Variants in KRT222 observed in about 807,000 individuals in gnomAD.
KRT222 encodes keratin 222.
Under a neutral mutation model 35.0 loss-of-function variants are expected in KRT222, and 23 were observed. The ratio of observed to expected loss-of-function variants is 0.66; its 90% CI spans 0.47 to 0.93. KRT222 has a LOEUF of 0.93. Ranked by LOEUF, KRT222 falls within the 40% of genes least tolerant of loss-of-function variation. The pLI is 0.00. For synonymous variants in KRT222, 108 were observed against 118.8 expected (o/e 0.91, Z 0.59); for missense variants, 339 against 346.3 (o/e 0.98, Z 0.17).
intron 2 of KRT222, among the ~76,000 whole-genome samples, chr17:40,661,710 G>C (rs2037384925): frequency 6.6e-6 from 1 of 152,160 alleles, no homozygotes; most frequent in African/African-American, 2.4e-5. Flanking sequence ...ATTTTTACAG[G>C]TCTGAACTAA....
intron 3 of KRT222, among the ~76,000 whole-genome samples, chr17:40,659,542 G>A (rs1435640543): frequency 4.6e-5 from 7 of 151,990 alleles, no homozygotes; most frequent in Admixed American, 2.6e-4. Context: ...TCCTACCTTA[G>A]CCTCCCAAGT....
In KRT222 at chr17:40,656,567, T is replaced by G. The variant is rs764765053; in HGVS notation, c.723A>C (p.Arg241=). Reference sequence around the variant, plus strand: ...GAAGAGAAACAGACTTTTTCCTCAATCGAGGGTTATCTTTAAAGAAAGAAC... The same window carrying G: ...GAAGAGAAACAGACTTTTTCCTCAAGCGAGGGTTATCTTTAAAGAAAGAAC... ...WEGSFFKDNP[R]LRKKSVSLRF... The change falls in exon 6 of 6, where the codon CGA becomes CGC. Residue 241 remains arginine, a synonymous_variant. Coordinates refer to ENST00000394052, the MANE Select transcript of KRT222 (RefSeq NM_152349.3). 1 of 1,613,816 alleles carries G rather than the reference T, an allele frequency of 6.2e-7. No individual in the cohort carries two copies. Among genetic ancestry groups the G allele is most frequent in the Non-Finnish European group, 8.5e-7 (1 of 1,179,766 alleles).
chr17:40,655,514 T>C lies in KRT222; in HGVS notation c.*888A>G, dbSNP rs1200712076. The C allele has an allele frequency of 6.6e-6, 1 of 152,142 alleles. No homozygotes were observed. The highest frequency in any genetic ancestry group is 1.5e-5 in the Non-Finnish European group (1 of 67,978). 9.4% of individuals were successfully genotyped at this position (152,142 alleles called of 1,614,324 possible). A position where few individuals can be genotyped will look rare whatever the true frequency, so the allele number is the denominator to read the frequency against. ...CATATAGTATCTTATCTACGGCTTA[T>C]AGCAAACAATCTAATCACATTTAGC... On this transcript the variant is annotated 3_prime_UTR_variant, in exon 6 of 6. Transcript: ENST00000394052.
rs1200622169 is a variant in KRT222, at chr17:40,656,513, A to C, written c.777T>G (p.Asp259Glu). The stretch of plus-strand genomic sequence containing the variant: ...CCTGCTTAGTCTCTAAACACCCTTC[A>C]TCAGTGGCTGCTAAATGAAGATCAA... The part of the protein sequence containing the change: ...LRFDLHLAAT[D>E]EGCLETKQDN... Residue 259 changes from aspartate (D) to glutamate (E), a missense_variant, in exon 6 of 6, where the codon GAT becomes GAG. Coordinates refer to ENST00000394052, the MANE Select transcript of KRT222 (RefSeq NM_152349.3). The C allele has an allele frequency of 6.2e-7, 1 of 1,613,666 alleles. No homozygotes were observed. Among genetic ancestry groups the C allele is most frequent in the East Asian group, 2.2e-5 (1 of 44,838 alleles).
At chr17:40,656,847 G>T (rs2037348039) in intron 5 of KRT222, among the ~76,000 whole-genome samples, 1 of 151,816 alleles carries the variant, frequency 6.6e-6, no homozygotes, top group Admixed American at 6.6e-5. Flanking sequence ...TTGTATTTTT[G>T]GAAAAAAACG....
In KRT222 at chr17:40,665,174, G is replaced by A. The variant is rs891470656; in HGVS notation, c.-75C>T. The A allele has an allele frequency of 4.3e-6, 6 of 1,383,422 alleles. No individual in the cohort carries two copies. In the African/African-American group the frequency reaches 8.5e-5, roughly 20 times the overall value. 85.7% of individuals were successfully genotyped at this position (1,383,422 alleles called of 1,614,324 possible). A position where few individuals can be genotyped will look rare whatever the true frequency, so the allele number is the denominator to read the frequency against. ...GTCGCTGCGGCAGTCTGCTCGGTCT[G>A]CGCGGAAGGCAGGGAGCCTCGCAGA... On this transcript the variant is annotated 5_prime_UTR_variant, in exon 1 of 6. Coordinates refer to ENST00000394052, the MANE Select transcript of KRT222 (RefSeq NM_152349.3).
rs1264789134 is a variant in KRT222 at position 40,660,108 on chromosome 17, G to A, written c.325C>T (p.Gln109Ter). The change falls in exon 3 of 6, where the codon CAG (glutamine) becomes TAG (stop). Residue 109 changes from glutamine (Q) to a stop codon, truncating the protein, a stop_gained. Coordinates refer to ENST00000394052, the MANE Select transcript of KRT222 (RefSeq NM_152349.3). LOFTEE classifies it high-confidence loss of function. ...TVIEGLEKEL[Q>*]EVRRGIEKQL... ...TTTTCGATGCCGCGCCTTACTTCCTGTAGCTCTTTTTCTAGTCCTTCAATC... is the reference window on the plus strand; with the variant it reads ...TTTTCGATGCCGCGCCTTACTTCCTATAGCTCTTTTTCTAGTCCTTCAATC... 1 of 1,614,104 alleles carries A rather than the reference G, an allele frequency of 6.2e-7. No individual in the cohort carries two copies. The highest frequency in any genetic ancestry group is 2.2e-5 in the East Asian group (1 of 44,878).
Position 40,665,083 on chromosome 17 carries a change from A to G in KRT222, c.17T>C (p.Leu6Pro). 1 of 1,613,994 alleles carries G rather than the reference A, an allele frequency of 6.2e-7. No individual in the cohort carries two copies. Among genetic ancestry groups the G allele is most frequent in the Non-Finnish European group, 8.5e-7 (1 of 1,179,972 alleles). The change falls in exon 1 of 6, where the codon CTA (leucine) becomes CCA (proline). Residue 6 changes from leucine (L) to proline (P), a missense_variant. Leu to Pro is a moderately conservative substitution (Grantham distance 98, BLOSUM62 -3). Coordinates refer to ENST00000394052, the MANE Select transcript of KRT222 (RefSeq NM_152349.3). The part of the protein sequence containing the change: MELSQ[L>P]LNEIRANYEK... ...ATAGTTTGCCCTGATCTCATTGAGT[A>G]GCTGGGACAGTTCCATTCTTTTCCC...
At chr17:40,660,260 A>G in intron 2 of KRT222, 53 bp from the exon 3 acceptor site, 8 of 1,472,244 alleles carry the variant, frequency 5.4e-6, no homozygotes, top group Non-Finnish European at 7.4e-6. Context: ...TGTGTTTCTG[A>G]AATCTGATTT....
rs73295333 is a variant in KRT222 at position 40,655,393 on chromosome 17, C to G, written c.*1009G>C. On this transcript the variant is annotated 3_prime_UTR_variant, in exon 6 of 6. Transcript: ENST00000394052. The stretch of plus-strand genomic sequence containing the variant: ...CTACCCATATTTATTACAATTTGAA[C>G]GATTTAAAAACAAATCCTCTAAATA... The G allele has an allele frequency of 6.6e-6, 1 of 151,916 alleles. No homozygotes were observed. The highest frequency in any genetic ancestry group is 6.6e-5 in the Admixed American group (1 of 15,246). 9.4% of individuals were successfully genotyped at this position (151,916 alleles called of 1,614,324 possible).
rs532308757 is a variant in KRT222 at position 40,657,757 on chromosome 17, T to A, written c.447-7A>T. 6.3e-7 allele frequency: 1 copy of A among 1,594,016 alleles called. No individual in the cohort carries two copies. The highest frequency in any genetic ancestry group is 1.3e-5 in the African/African-American group (1 of 74,520). On this transcript the variant is annotated splice_region_variant and splice_polypyrimidine_tract_variant and intron_variant, in intron 3 of 5. Coordinates refer to ENST00000394052, the MANE Select transcript of KRT222 (RefSeq NM_152349.3). ...TTGGATACAACCATAATATCTGAAA[T>A]CAGAAAGAATTTTATTTTAAGAGCA...
chr17:40,659,317 G>A (rs1417085307), intron 3 of KRT222, among the ~76,000 whole-genome samples: 1 of 151,652 alleles, frequency 6.6e-6, no homozygotes. Flanking sequence ...CACCATGCCC[G>A]GCTAATTTTT....
At chr17:40,657,556 CTTTTATTCAAAT>C (rs2037353713) in intron 4 of KRT222, 69 bp from the exon 5 acceptor site, 4 of 1,463,944 alleles carry the variant, frequency 2.7e-6, no homozygotes, top group Non-Finnish European at 1.8e-6. Context: ...TATATTCAAA[CTTTTATTCAAAT>C]ATTGCTTGTT....
chr17:40,661,859 T>G, intron 2 of KRT222, 57 bp downstream of exon 2: 1 of 1,567,630 alleles, frequency 6.4e-7, no homozygotes, highest in Admixed American at 1.9e-5. Context: ...TTTCCTTCTC[T>G]TAATCAAATC....
intron 3 of KRT222, 38 bp from the exon 4 acceptor site, chr17:40,657,788 G>A (rs1354919075): frequency 1.5e-6 from 2 of 1,344,444 alleles, no homozygotes; most frequent in Admixed American, 1.8e-5. Context: ...GAGCAACACT[G>A]TATCAGCAAA....
In KRT222 at chr17:40,656,096, G is replaced by A. The variant is rs375736003; in HGVS notation, c.*306C>T. 1.8e-5 allele frequency: 4 copies of A among 221,638 alleles called. No homozygotes were observed. The East Asian group carries it at 2.8e-4, about 16-fold the overall frequency. 13.7% of individuals were successfully genotyped at this position (221,638 alleles called of 1,614,324 possible). ...TTACTAAACCAGGTTAATGCTTACA[G>A]TCTCTGATGAAGTTTCAAGGGAAAA... On this transcript the variant is annotated 3_prime_UTR_variant, in exon 6 of 6. Transcript: ENST00000394052.
chr17:40,661,732 G>T (rs1372822637), intron 2 of KRT222, among the ~76,000 whole-genome samples, 184 bp downstream of exon 2: 2 of 152,218 alleles, frequency 1.3e-5, no homozygotes, highest in Non-Finnish European at 2.9e-5. Context: ...CCTTGAGTGA[G>T]TTGGTAACAG....
chr17:40,660,621 A>G (rs1271531537), intron 2 of KRT222, among the ~76,000 whole-genome samples: 2 of 152,054 alleles, frequency 1.3e-5, no homozygotes, highest in Admixed American at 1.3e-4. Flanking sequence ...AAAGATTGCA[A>G]TAATTTTATT....
In KRT222 at chr17:40,665,157, G is replaced by T. The variant is rs548804783; in HGVS notation, c.-58C>A. On this transcript the variant is annotated 5_prime_UTR_variant, in exon 1 of 6. Transcript: ENST00000394052. ...CCTTATCGATAGGATGAGTCGCTGC[G>T]GCAGTCTGCTCGGTCTGCGCGGAAG... The T allele has an allele frequency of 9.8e-6, 15 of 1,524,470 alleles. No individual in the cohort carries two copies. The highest frequency in any genetic ancestry group is 1.2e-5 in the Non-Finnish European group (13 of 1,101,930). 94.4% of individuals were successfully genotyped at this position (1,524,470 alleles called of 1,614,324 possible).
Sources: gnomAD v4.1 joint callset for allele counts (sites outside exome capture counted in the v4.1 genomes callset) on GRCh38, gnomAD v4.1.1 for gene constraint, MANE v1.5 for transcripts, NCBI Gene and HGNC (gene_info 2026-07-23, HGNC 2026-07-21) for gene names.